CCKBR: variants seen among roughly 807,000 people sequenced by gnomAD.
CCKBR encodes gastrin/cholecystokinin type B receptor.
In CCKBR, 33 loss-of-function variants were observed where a neutral mutation model predicts 34.6. That is an observed-to-expected ratio of 0.95 (90% confidence interval 0.72 to 1.27). The LOEUF (loss-of-function observed/expected upper bound fraction) is 1.27, where lower values mean the gene tolerates loss of function less well. Ranked by LOEUF, CCKBR falls within the 50% of genes most tolerant of loss-of-function variation. CCKBR has a pLI of 0.00. For missense variants in CCKBR, 652 were observed against 617.4 expected (o/e 1.06, Z -0.59); for synonymous variants, 269 against 267.5 (o/e 1.01, Z -0.06).
At position 6,259,885 on chromosome 11, in the gene CCKBR, C is replaced by T. The variant is rs750265954; in HGVS notation, c.-44C>T. 2.2e-6 allele frequency: 3 copies of T among 1,382,646 alleles called. No homozygotes were observed. Among genetic ancestry groups the T allele is most frequent in the Non-Finnish European group, 1.9e-6 (2 of 1,069,214 alleles). The allele number at this position is 1,382,646 out of a possible 1,614,324, so 85.6% of individuals were successfully genotyped here. ...TGAGCAGGTGGAGCCGCGTTGGGAGCCCGCCGGGTCGAGCTGAGTAAGGCG... is the reference window on the plus strand; with the variant it reads ...TGAGCAGGTGGAGCCGCGTTGGGAGTCCGCCGGGTCGAGCTGAGTAAGGCG... On this transcript the variant is annotated 5_prime_UTR_variant, in exon 1 of 5. Coordinates refer to ENST00000334619, the MANE Select transcript of CCKBR (RefSeq NM_176875.4).
In CCKBR at chr11:6,270,042, G is replaced by T. The variant is rs1369178768; in HGVS notation, c.404-46G>T. ...AGGAAGTCCCACTGATGCTTGTGTA[G>T]TGCAAGTTTCCTAGGTGACTCCTTC... On this transcript the variant is annotated intron_variant, in intron 2 of 4. Transcript: ENST00000334619. 2.5e-6 allele frequency: 4 copies of T among 1,587,180 alleles called. No individual in the cohort carries two copies. The South Asian group carries it at 4.6e-5, about 18-fold the overall frequency.
At chr11:6,260,132 A>T (rs1848108009) in intron 1 of CCKBR, 53 bp downstream of exon 1, 72 of 1,385,384 alleles carry the variant, frequency 5.2e-5, no homozygotes, top group Non-Finnish European at 6.9e-5. Context: ...GTACCCCAGA[A>T]CACTAATAGA....
chr11:6,261,434 CAAA>C lies in CCKBR; in HGVS notation c.151+1374_151+1376del, dbSNP rs71056733. Among the ~76,000 whole-genome samples the C allele has an allele frequency of 5.5e-3, 79 of 14,440 alleles. 7 individuals carry two copies. In the East Asian group the frequency reaches 0.085, roughly 15 times the overall value. 9.5% of individuals were successfully genotyped at this position (14,440 alleles called of 152,430 possible). On this transcript the variant is annotated intron_variant, in intron 1 of 4. Transcript: ENST00000334619. ...AGGCTGGCTCTAAGCTTCCTGTTGG[CAAA>C]AAAAAAAAAAAAAAAAAATATATAT...
chr11:6,269,312 C>G (rs1848255830), intron 1 of CCKBR, among the ~76,000 whole-genome samples: 1 of 151,976 alleles, frequency 6.6e-6, no homozygotes. Context: ...GATTAGTGTA[C>G]TTGGGAAGAA....
At chr11:6,262,980 A>G (rs1848159652) in intron 1 of CCKBR, among the ~76,000 whole-genome samples, 1 of 152,214 alleles carries the variant, frequency 6.6e-6, no homozygotes, top group Non-Finnish European at 1.5e-5. Flanking sequence ...AATTTGCCTC[A>G]CTTATCTAAA....
At chr11:6,262,591 A>G (rs1004568945) in intron 1 of CCKBR, among the ~76,000 whole-genome samples, 4 of 151,522 alleles carry the variant, frequency 2.6e-5, no homozygotes, top group African/African-American at 9.7e-5. Context: ...AGGCTTGACT[A>G]TGGTAGGTTA....
rs559685935 is a variant in CCKBR, at chr11:6,269,445, G to C, written c.152-224G>C. ...AGGAAAGATTTGGAACGAACCTTGAGAAGAGACAGGCTTTCTTAAGGAAGG... is the reference window on the plus strand; with the variant it reads ...AGGAAAGATTTGGAACGAACCTTGACAAGAGACAGGCTTTCTTAAGGAAGG... On this transcript the variant is annotated intron_variant, in intron 1 of 4. Transcript: ENST00000334619. Among the ~76,000 whole-genome samples the C allele has an allele frequency of 5.4e-4, 82 of 152,292 alleles. 4 individuals are homozygous for C. Among genetic ancestry groups the C allele is most frequent in the Non-Finnish European group, 2.6e-4 (18 of 68,024 alleles).
intron 1 of CCKBR, among the ~76,000 whole-genome samples, chr11:6,269,150 AT>A (rs540603471): frequency 0.21 from 9,146 of 43,176 alleles, 409 homozygotes; most frequent in African/African-American, 0.33. Context: ...TAAGTGAAGT[AT>A]TTTTTTTTTT....
chr11:6,270,038 T>G, intron 2 of CCKBR, 50 bp from the exon 3 acceptor site: 1 of 1,587,554 alleles, frequency 6.3e-7, no homozygotes, highest in Non-Finnish European at 8.6e-7. Flanking sequence ...CTGATGCTTG[T>G]GTAGTGCAAG....
rs755299380 is a variant in CCKBR, at chr11:6,269,748, G to T, written c.231G>T (p.Val77=). The part of the protein sequence containing the change: ...MSVGGNMLII[V]VLGLSRRLRT... ...TTGGAGGAAATATGCTCATCATCGTGGTCCTGGGACTGAGCCGCCGCCTGA... is the reference window on the plus strand; with the variant it reads ...TTGGAGGAAATATGCTCATCATCGTTGTCCTGGGACTGAGCCGCCGCCTGA... The change falls in exon 2 of 5, where the codon GTG becomes GTT. Residue 77 remains valine (V), a synonymous_variant. Coordinates refer to ENST00000334619, the MANE Select transcript of CCKBR (RefSeq NM_176875.4). The T allele has an allele frequency of 1.2e-6, 2 of 1,613,998 alleles. No homozygotes were observed. Among genetic ancestry groups the T allele is most frequent in the Non-Finnish European group, 1.7e-6 (2 of 1,180,034 alleles).
Position 6,271,019 on chromosome 11 carries a change from C to T in CCKBR, c.820C>T (p.His274Tyr), listed in dbSNP as rs1314863781. Reference sequence around the variant, plus strand: ...CCACCCTTTGTGCTCAGGGGCTGTTCACCAGAACGGGCGTTGCCGGCCTGA... The same window carrying T: ...CCACCCTTTGTGCTCAGGGGCTGTTTACCAGAACGGGCGTTGCCGGCCTGA... ...RNQGGLPGAV[H>Y]QNGRCRPETG... The change falls in exon 5 of 5, where the codon CAC becomes TAC. Residue 274 changes from histidine to tyrosine, a missense_variant. Transcript: ENST00000334619. 1.2e-6 allele frequency: 2 copies of T among 1,614,174 alleles called. No individual in the cohort carries two copies. The highest frequency in any genetic ancestry group is 1.7e-6 in the Non-Finnish European group (2 of 1,180,022).
At chr11:6,264,551 C>A (rs1310301443) in intron 1 of CCKBR, 3 of 700,380 alleles carry the variant, frequency 4.3e-6, no homozygotes, top group Non-Finnish European at 7.8e-6. Context: ...TGGTCTGATG[C>A]CAGTTTTCCT....
chr11:6,260,110 C>T, intron 1 of CCKBR, 31 bp downstream of exon 1: 3 of 1,543,044 alleles, frequency 1.9e-6, no homozygotes, highest in Non-Finnish European at 2.6e-6. Flanking sequence ...CCCCCACAAG[C>T]TATTTCTCAC....
In CCKBR at chr11:6,270,248, C is replaced by T. The variant is rs755274405; in HGVS notation, c.564C>T (p.Pro188=). The change falls in exon 3 of 5, where the codon CCC becomes CCT. Residue 188 remains proline, a synonymous_variant. Coordinates refer to ENST00000334619, the MANE Select transcript of CCKBR (RefSeq NM_176875.4). ...TGCTGTCCGGACTACTCATGGTGCC[C>T]TACCCCGTGTACACTGTCGTGCAAC... The part of the protein sequence containing the change: ...TWLLSGLLMV[P]YPVYTVVQPV... The T allele has an allele frequency of 6.2e-7, 1 of 1,613,236 alleles. No homozygotes were observed. The highest frequency in any genetic ancestry group is 1.7e-5 in the Admixed American group (1 of 60,030).
At chr11:6,265,287 C>T (rs935241812) in intron 1 of CCKBR, among the ~76,000 whole-genome samples, 1 of 152,144 alleles carries the variant, frequency 6.6e-6, no homozygotes, top group African/African-American at 2.4e-5. Flanking sequence ...GGGACTTTGT[C>T]TTATAAATTT....
Position 6,271,258 on chromosome 11 carries a change from C to T in CCKBR, c.1059C>T (p.Asn353=). 1 of 1,614,200 alleles carries T rather than the reference C, an allele frequency of 6.2e-7. No homozygotes were observed. The highest frequency in any genetic ancestry group is 1.3e-5 in the African/African-American group (1 of 75,052). Residue 353 remains asparagine, a synonymous_variant, in exon 5 of 5, where the codon AAC becomes AAT. Coordinates refer to ENST00000334619, the MANE Select transcript of CCKBR (RefSeq NM_176875.4). The part of the protein sequence containing the change: ...FLCWLPVYSA[N]TWRAFDGPGA... ...GTTGGTTGCCAGTTTATAGTGCCAACACGTGGCGCGCCTTTGATGGCCCGG... is the reference window on the plus strand; with the variant it reads ...GTTGGTTGCCAGTTTATAGTGCCAATACGTGGCGCGCCTTTGATGGCCCGG...
At chr11:6,262,557 A>C (rs528415981) in intron 1 of CCKBR, among the ~76,000 whole-genome samples, 15 of 152,182 alleles carry the variant, frequency 9.9e-5, no homozygotes, top group Non-Finnish European at 2.1e-4. Context: ...ATAACAAGAA[A>C]ATATTTAGGA....
rs1403321565 is a variant in CCKBR, at chr11:6,264,526, A to G, written c.151+4447A>G. The G allele has an allele frequency of 1.1e-5, 8 of 700,582 alleles. No homozygotes were observed. The East Asian group carries it at 1.9e-4, about 16-fold the overall frequency. 43.4% of individuals were successfully genotyped at this position (700,582 alleles called of 1,614,324 possible). ...CCAGGAGAAGAACTGAACTGTCCCA[A>G]TCTTCTGAGTCGCCTGGTCTGATGC... On this transcript the variant is annotated intron_variant, in intron 1 of 4. Coordinates refer to ENST00000334619, the MANE Select transcript of CCKBR (RefSeq NM_176875.4).
intron 1 of CCKBR, among the ~76,000 whole-genome samples, chr11:6,260,666 CCTT>C (rs950569510): frequency 5.9e-4 from 90 of 152,356 alleles, no homozygotes; most frequent in African/African-American, 2.1e-3. Context: ...CCATTTCACT[CCTT>C]CTCAAACCCC....
Sources: allele counts gnomAD v4.1 joint callset (sites outside exome capture counted in the v4.1 genomes callset), GRCh38; gene constraint gnomAD v4.1.1; transcripts MANE v1.5; gene names NCBI Gene and HGNC (gene_info 2026-07-23, HGNC 2026-07-21).